IDH2: variants seen among roughly 807,000 people sequenced by gnomAD.
The protein encoded by IDH2 is isocitrate dehydrogenase [NADP], mitochondrial.
Under a neutral mutation model 50.5 loss-of-function variants are expected in IDH2, and 18 were observed. The ratio of observed to expected loss-of-function variants is 0.36; its 90% CI spans 0.25 to 0.53. IDH2 has a LOEUF of 0.53. Among genes scored for constraint, IDH2 ranks in the 20% least tolerant of loss-of-function variants. The pLI is 0.92. For synonymous variants in IDH2, 280 were observed against 239.8 expected (o/e 1.17, Z -1.55); for missense variants, 518 against 610.7 (o/e 0.85, Z 1.60).
At position 90,085,344 on chromosome 15, in the gene IDH2, A is replaced by G. The variant is rs1222450557; in HGVS notation, c.1011T>C (p.Pro337=). ...CCTCAGCCTCAATCGTCTTCCCATC[A>G]GGGCAGACCAGGACGGACGTCATCA... is the stretch of plus-strand genomic sequence containing the variant. ...LGLMTSVLVC[P]DGKTIEAEAA... Residue 337 remains proline (P), a synonymous_variant, in exon 8 of 11, where the codon CCT becomes CCC. Transcript: ENST00000330062. This position sits in a 1 kb window ranked among gnomAD's most constrained non-coding sequence, Gnocchi z 5.5. 3 of 1,555,908 alleles carry G rather than the reference A, an allele frequency of 1.9e-6. No homozygotes were observed. The highest frequency in any genetic ancestry group is 1.4e-5 in the African/African-American group (1 of 73,474).
chr15:90,095,745 C>A (rs766556102), intron 1 of IDH2, among the ~76,000 whole-genome samples: 3 of 152,148 alleles, frequency 2.0e-5, no homozygotes, highest in Non-Finnish European at 2.9e-5. Flanking sequence ...AGTGCCTGCC[C>A]GGAGGCAGTG....
intron 5 of IDH2, 42 bp downstream of exon 5, chr15:90,088,317 A>G (rs1900926656): frequency 1.2e-6 from 2 of 1,609,352 alleles, no homozygotes; most frequent in Non-Finnish European, 1.7e-6. Flanking sequence ...TGAAGAGACA[A>G]GCTGGGAGAG....
At chr15:90,093,070 G>A (rs187445954) in intron 1 of IDH2, among the ~76,000 whole-genome samples, 1 of 152,382 alleles carries the variant, frequency 6.6e-6, no homozygotes, top group African/African-American at 2.4e-5. Flanking sequence ...AGGCAGAGGA[G>A]ATCAACACAA....
rs1901240885 is a variant in IDH2 at position 90,098,519 on chromosome 15, T to TATGTATGCATGC, written c.115+3745_115+3756dup. Reference sequence around the variant, plus strand: ...TGTATATTTTATGTATGTATGTATGTATGTATGCATGCATGTATGTATGTA... The same window carrying TATGTATGCATGC: ...TGTATATTTTATGTATGTATGTATGTATGTATGCATGCATGTATGCATGCATGTATGTATGTA... On this transcript the variant is annotated intron_variant, in intron 1 of 10. Coordinates refer to ENST00000330062, the MANE Select transcript of IDH2 (RefSeq NM_002168.4). The surrounding 1 kb of genome is among the most constrained non-coding windows in gnomAD (Gnocchi z 5.1). Among the ~76,000 whole-genome samples, 1 of 148,760 alleles carries TATGTATGCATGC rather than the reference T, an allele frequency of 6.7e-6. No homozygotes were observed. Among genetic ancestry groups the TATGTATGCATGC allele is most frequent in the South Asian group, 2.1e-4 (1 of 4,740 alleles).
At position 90,085,205 on chromosome 15, in the gene IDH2, GC is replaced by G. The variant is rs1900827053; in HGVS notation, c.1080+69del. The G allele has an allele frequency of 6.6e-7, 1 of 1,524,438 alleles. No homozygotes were observed. The highest frequency in any genetic ancestry group is 9.0e-7 in the Non-Finnish European group (1 of 1,108,538). 94.4% of individuals were successfully genotyped at this position (1,524,438 alleles called of 1,614,324 possible). A position where few individuals can be genotyped will look rare whatever the true frequency, so the allele number is the denominator to read the frequency against. ...CTGGTGGGTCAGGCTCGTCCTTCCAGCCCTCAGCCCAGTGGGCTTTAGGCCC... is the reference window on the plus strand; with the variant it reads ...CTGGTGGGTCAGGCTCGTCCTTCCAGCCTCAGCCCAGTGGGCTTTAGGCCC... On this transcript the variant is annotated intron_variant, in intron 8 of 10. Transcript: ENST00000330062. The surrounding 1 kb of genome is among the most constrained non-coding windows in gnomAD (Gnocchi z 5.5).
At chr15:90,092,719 G>A (rs987365083) in intron 1 of IDH2, among the ~76,000 whole-genome samples, 3 of 152,138 alleles carry the variant, frequency 2.0e-5, no homozygotes, top group Non-Finnish European at 4.4e-5. Flanking sequence ...GGGGATTTCA[G>A]GTGTGCACCA....
rs1211364171 is a variant in IDH2 at position 90,088,688 on chromosome 15, C to T, written c.433G>A (p.Gly145Arg). The T allele has an allele frequency of 2.5e-6, 4 of 1,613,978 alleles. No individual in the cohort carries two copies. The Admixed American group carries it at 5.0e-5, about 20-fold the overall frequency. Residue 145 changes from glycine to arginine, a missense_variant, in exon 4 of 11, where the codon GGG becomes AGG. Coordinates refer to ENST00000330062, the MANE Select transcript of IDH2 (RefSeq NM_002168.4). ...ATGATGGGCTCCCGGAAGACAGTCCCCCCCAGGATGTTCCGGATAGTTCCA... is the reference window on the plus strand; with the variant it reads ...ATGATGGGCTCCCGGAAGACAGTCCTCCCCAGGATGTTCCGGATAGTTCCA... ...PNGTIRNILGGTVFREPIICK... is the reference protein window; with the variant it reads ...PNGTIRNILGRTVFREPIICK...
chr15:90,089,725 C>G (rs911048397), intron 3 of IDH2, among the ~76,000 whole-genome samples: 8 of 152,234 alleles, frequency 5.3e-5, no homozygotes, highest in African/African-American at 1.9e-4. Flanking sequence ...GAAAACTCCT[C>G]AACCATCCTT....
chr15:90,088,373 A>ACATGCC lies in IDH2; in HGVS notation c.658_663dup (p.Gly220_Met221dup), dbSNP rs1596074337. 2.5e-6 allele frequency: 4 copies of ACATGCC among 1,613,876 alleles called. No individual in the cohort carries two copies. The highest frequency in any genetic ancestry group is 2.2e-5 in the East Asian group (1 of 44,872). On this transcript the variant is annotated inframe_insertion, in exon 5 of 11. Coordinates refer to ENST00000330062, the MANE Select transcript of IDH2 (RefSeq NM_002168.4). ...GCCAGCCTCACCTCGTCGGTGTTGT[A>ACATGCC]CATGCCCATGCCCACGCCGCCTGCG...
At chr15:90,088,903 C>A (rs1175098338) in intron 3 of IDH2, among the ~76,000 whole-genome samples, 156 bp from the exon 4 acceptor site, 1 of 143,450 alleles carries the variant, frequency 7.0e-6, no homozygotes, top group Non-Finnish European at 1.5e-5. Flanking sequence ...CTGGAGTCTG[C>A]CAATTTTTTT....
At chr15:90,087,800 C>T in intron 5 of IDH2, among the ~76,000 whole-genome samples, 1 of 139,858 alleles carries the variant, frequency 7.2e-6, no homozygotes, top group Non-Finnish European at 1.6e-5. Context: ...TTTTGGAAAA[C>T]ACCGCCTTTT....
At chr15:90,094,685 C>T (rs1422011183) in intron 1 of IDH2, among the ~76,000 whole-genome samples, 1 of 152,188 alleles carries the variant, frequency 6.6e-6, no homozygotes, top group Non-Finnish European at 1.5e-5. Context: ...GCAGGTGGAT[C>T]ACTCAAGGTA....
chr15:90,092,129 A>C (rs1901054985), intron 1 of IDH2, among the ~76,000 whole-genome samples: 1 of 152,136 alleles, frequency 6.6e-6, no homozygotes. Flanking sequence ...CATTATGGTG[A>C]GCTATATAAT....
chr15:90,084,132 C>T lies in IDH2; in HGVS notation c.*134G>A. On this transcript the variant is annotated 3_prime_UTR_variant, in exon 11 of 11. Coordinates refer to ENST00000330062, the MANE Select transcript of IDH2 (RefSeq NM_002168.4). The surrounding 1 kb of genome is among the most constrained non-coding windows in gnomAD (Gnocchi z 5.0). ...GGAAACACACATATGCTTTTAAAAA[C>T]ATCTGGCTTATAAAAAAACATCCCC... is the stretch of plus-strand genomic sequence containing the variant. 1 of 699,966 alleles carries T rather than the reference C, an allele frequency of 1.4e-6. No individual in the cohort carries two copies. Among genetic ancestry groups the T allele is most frequent in the Non-Finnish European group, 2.5e-6 (1 of 395,954 alleles). The allele number at this position is 699,966 out of a possible 1,614,324, so 43.4% of individuals were successfully genotyped here. A position where few individuals can be genotyped will look rare whatever the true frequency, so the allele number is the denominator to read the frequency against.
intron 1 of IDH2, among the ~76,000 whole-genome samples, chr15:90,097,362 AG>A (rs1173217835): frequency 6.6e-6 from 1 of 152,236 alleles, no homozygotes; most frequent in Non-Finnish European, 1.5e-5. Context: ...CTGTATGTAT[AG>A]GAAAAAAACA....
intron 1 of IDH2, among the ~76,000 whole-genome samples, chr15:90,101,777 G>C (rs1277139593): frequency 2.0e-5 from 3 of 152,164 alleles, no homozygotes; most frequent in Admixed American, 1.3e-4. Flanking sequence ...CGTGGGCCTG[G>C]TATCAGCGCG....
In IDH2 at chr15:90,102,434, G is replaced by A. The variant is rs914121310; in HGVS notation, c.-44C>T. The A allele has an allele frequency of 7.2e-6, 8 of 1,106,762 alleles. No homozygotes were observed. The African/African-American group carries it at 1.3e-4, about 18-fold the overall frequency. 68.6% of individuals were successfully genotyped at this position (1,106,762 alleles called of 1,614,324 possible). A position where few individuals can be genotyped will look rare whatever the true frequency, so the allele number is the denominator to read the frequency against. On this transcript the variant is annotated 5_prime_UTR_variant, in exon 1 of 11. Coordinates refer to ENST00000330062, the MANE Select transcript of IDH2 (RefSeq NM_002168.4). Reference sequence around the variant, plus strand: ...CGAGCAGGGCGGGAGAGGTCCGAGCGCGCGCCGCTCCTCCCGGCTGCCTGG... The same window carrying A: ...CGAGCAGGGCGGGAGAGGTCCGAGCACGCGCCGCTCCTCCCGGCTGCCTGG...
In IDH2 at chr15:90,098,523, T is replaced by TATGCATGCATGTATGTATGTATGC. The variant is rs1555462235; in HGVS notation, c.115+3752_115+3753insGCATACATACATACATGCATGCAT. Among the ~76,000 whole-genome samples the TATGCATGCATGTATGTATGTATGC allele has an allele frequency of 1.5e-3, 131 of 90,228 alleles. No individual in the cohort carries two copies. Among genetic ancestry groups the TATGCATGCATGTATGTATGTATGC allele is most frequent in the Non-Finnish European group, 2.1e-3 (68 of 32,806 alleles). The allele number at this position is 90,228 out of a possible 152,430, so 59.2% of individuals were successfully genotyped here. A position where few individuals can be genotyped will look rare whatever the true frequency, so the allele number is the denominator to read the frequency against. On this transcript the variant is annotated intron_variant, in intron 1 of 10. Coordinates refer to ENST00000330062, the MANE Select transcript of IDH2 (RefSeq NM_002168.4). This position sits in a 1 kb window ranked among gnomAD's most constrained non-coding sequence, Gnocchi z 5.1. ...TATTTTATGTATGTATGTATGTATG[T>TATGCATGCATGTATGTATGTATGC]ATGCATGCATGTATGTATGTATGTA...
chr15:90,088,777 C>T (rs1367804309), intron 3 of IDH2, 30 bp from the exon 4 acceptor site: 1 of 1,612,910 alleles, frequency 6.2e-7, no homozygotes, highest in Non-Finnish European at 8.5e-7. Flanking sequence ...AGTGGTCCCA[C>T]TGCAGCCGCC....
Sources: allele counts gnomAD v4.1 joint callset (sites outside exome capture counted in the v4.1 genomes callset), GRCh38; gene constraint gnomAD v4.1.1; non-coding constraint Gnocchi (gnomAD v3.1); transcripts MANE v1.5; gene names NCBI Gene and HGNC (gene_info 2026-07-23, HGNC 2026-07-21).